TEX35: variants seen among roughly 807,000 people sequenced by gnomAD.
TEX35 encodes testis expressed 35.
A neutral mutation model predicts 31.9 loss-of-function variants in TEX35; 26 were observed. The ratio of observed to expected loss-of-function variants is 0.81; its 90% CI spans 0.60 to 1.13. TEX35 has a LOEUF of 1.13. TEX35 is among the 50% of genes most tolerant of loss of function. The pLI is 0.00. For missense variants in TEX35, 278 were observed against 273.5 expected (o/e 1.02, Z -0.12); for synonymous variants, 87 against 90.7 (o/e 0.96, Z 0.23).
rs1034058437 is a variant in TEX35, at chr1:178,516,478, G to A, written c.217-137G>A. On this transcript the variant is annotated intron_variant, in intron 4 of 8. Coordinates refer to ENST00000319416, the MANE Select transcript of TEX35 (RefSeq NM_032126.5). The stretch of plus-strand genomic sequence containing the variant: ...CCTTCACAGACTCCTTGAGAAGAAA[G>A]TGGCTCTAACAGGCCATTATTAGTC... 9.0e-6 allele frequency: 6 copies of A among 667,868 alleles called. No homozygotes were observed. In the African/African-American group the frequency reaches 1.1e-4, roughly 12 times the overall value. The allele number at this position is 667,868 out of a possible 1,614,324, so 41.4% of individuals were successfully genotyped here. A position where few individuals can be genotyped will look rare whatever the true frequency, so the allele number is the denominator to read the frequency against.
intron 1 of TEX35, among the ~76,000 whole-genome samples, chr1:178,513,718 A>G (rs1383786883): frequency 6.6e-6 from 1 of 152,270 alleles, no homozygotes; most frequent in Non-Finnish European, 1.5e-5. Flanking sequence ...CTCTGGAAAC[A>G]ACACTTCCGG....
intron 7 of TEX35, 81 bp from the exon 8 acceptor site, chr1:178,521,141 G>A: frequency 1.2e-6 from 2 of 1,608,404 alleles, no homozygotes; most frequent in South Asian, 2.2e-5. Context: ...CCTTTAGCAA[G>A]GGCAGATAAG....
chr1:178,513,997 A>C, intron 1 of TEX35, 30 bp from the exon 2 acceptor site: 1 of 1,612,016 alleles, frequency 6.2e-7, no homozygotes, highest in South Asian at 1.1e-5. Flanking sequence ...GATGTCTGCC[A>C]GCCTGAATCT....
chr1:178,521,252 A>G lies in TEX35; in HGVS notation c.574A>G (p.Asn192Asp), dbSNP rs35619308. 3,966 of 1,614,228 alleles carry G rather than the reference A, an allele frequency of 2.5e-3. 21 individuals carry two copies. The highest frequency in any genetic ancestry group is 5.1e-3 in the Middle Eastern group (31 of 6,060). ...ATGTTTGTTGTGTGCTCTAAAGAAC[A>G]ACTACAATCGGGGTAGGTAGATTCA... ...EKCLLCALKN[N>D]YNRGNIPSEA... is the part of the protein sequence containing the mutation. Residue 192 changes from asparagine to aspartate, a missense_variant, in exon 8 of 9, where the codon AAC becomes GAC. Asn to Asp is a conservative substitution (Grantham distance 23). Coordinates refer to ENST00000319416, the MANE Select transcript of TEX35 (RefSeq NM_032126.5).
At chr1:178,522,243 A>T in intron 8 of TEX35, 82 bp from the exon 9 acceptor site, 1 of 1,485,444 alleles carries the variant, frequency 6.7e-7, no homozygotes, top group Non-Finnish European at 9.0e-7. Context: ...TGCTCATAGG[A>T]ACTGGGTAGC....
At chr1:178,516,713 T>C in intron 5 of TEX35, 39 bp downstream of exon 5, 1 of 1,463,638 alleles carries the variant, frequency 6.8e-7, no homozygotes, top group Non-Finnish European at 9.4e-7. Flanking sequence ...GCCAGTACCA[T>C]ACTGGAAACT....
At position 178,520,434 on chromosome 1, in the gene TEX35, G is replaced by A. The variant is rs1419974585; in HGVS notation, c.339G>A (p.Lys113=). The A allele has an allele frequency of 6.2e-7, 1 of 1,614,090 alleles. No homozygotes were observed. The highest frequency in any genetic ancestry group is 1.1e-5 in the South Asian group (1 of 91,050). Residue 113 remains lysine (K), a splice_region_variant and synonymous_variant, in exon 6 of 9, where the codon AAG becomes AAA. Transcript: ENST00000319416. ...DILINTQKNY[K]LPLRRAPKEQ... is the part of the protein sequence containing the mutation. Reference sequence around the variant, plus strand: ...TAATAAATACACAGAAGAACTATAAGCTGTAAGTGTAACCTGCACTCGTCT... The same window carrying A: ...TAATAAATACACAGAAGAACTATAAACTGTAAGTGTAACCTGCACTCGTCT...
Position 178,520,668 on chromosome 1 carries a change from CCCAGTCCCCTTAGAAGAGCA to C in TEX35, c.342-1_360del, listed in dbSNP as rs1438864145. On this transcript the variant is annotated splice_acceptor_variant and splice_polypyrimidine_tract_variant and coding_sequence_variant and intron_variant, in exon 7 of 9. Coordinates refer to ENST00000319416, the MANE Select transcript of TEX35 (RefSeq NM_032126.5). LOFTEE classifies it high-confidence loss of function. ...CTCTGCCCCTCCCTGGCCCTCCTCCCCCAGTCCCCTTAGAAGAGCACCAAAGGAGCAGCAGGAACTCAGGC... is the reference window on the plus strand; with the variant it reads ...CTCTGCCCCTCCCTGGCCCTCCTCCCCCAAAGGAGCAGCAGGAACTCAGGC... The C allele has an allele frequency of 1.2e-6, 2 of 1,613,606 alleles. No homozygotes were observed. Among genetic ancestry groups the C allele is most frequent in the Non-Finnish European group, 8.5e-7 (1 of 1,179,770 alleles).
At chr1:178,521,995 G>A in intron 8 of TEX35, 1 of 786,770 alleles carries the variant, frequency 1.3e-6, no homozygotes, top group South Asian at 1.9e-5. Flanking sequence ...ATTCCACCTG[G>A]GTCTGCAAAC....
intron 5 of TEX35, among the ~76,000 whole-genome samples, chr1:178,518,714 C>T (rs1353113331): frequency 6.6e-6 from 1 of 152,120 alleles, no homozygotes; most frequent in East Asian, 1.9e-4. Context: ...TTTTATATCC[C>T]TCTGTACTGT....
chr1:178,517,418 T>C (rs1650117659), intron 5 of TEX35, among the ~76,000 whole-genome samples: 1 of 152,208 alleles, frequency 6.6e-6, no homozygotes, highest in Non-Finnish European at 1.5e-5. Flanking sequence ...CCGGAGTTGC[T>C]TAAAACTCCG....
At position 178,521,708 on chromosome 1, in the gene TEX35, A is replaced by G. The variant is rs1352863489; in HGVS notation, c.586+444A>G. The G allele has an allele frequency of 3.9e-6, 6 of 1,551,716 alleles. No homozygotes were observed. In the South Asian group the frequency reaches 5.9e-5, roughly 15 times the overall value. ...AACCTACCAGCAGTTCCGATTCATC[A>G]CCTCCAAGCTCCTTAAGATGCACAG... On this transcript the variant is annotated intron_variant, in intron 8 of 8. Coordinates refer to ENST00000319416, the MANE Select transcript of TEX35 (RefSeq NM_032126.5).
intron 2 of TEX35, chr1:178,514,288 C>T: frequency 6.9e-7 from 1 of 1,454,100 alleles, no homozygotes; most frequent in African/African-American, 1.4e-5. Flanking sequence ...GTTACCTGCT[C>T]TGCTGGGAAT....
At chr1:178,514,189 CT>C (rs1649983926) in intron 2 of TEX35, 112 bp downstream of exon 2, 2 of 1,593,210 alleles carry the variant, frequency 1.3e-6, no homozygotes, top group Non-Finnish European at 1.7e-6. Flanking sequence ...GTCCCAGGTG[CT>C]GGGGGATGCA....
intron 2 of TEX35, among the ~76,000 whole-genome samples, chr1:178,514,474 A>C (rs1649998987): frequency 6.6e-6 from 1 of 152,220 alleles, no homozygotes; most frequent in Non-Finnish European, 1.5e-5. Flanking sequence ...CTGGCTGTTC[A>C]AGGGACAAAA....
chr1:178,517,329 G>T (rs539442231), intron 5 of TEX35, among the ~76,000 whole-genome samples: 2 of 152,190 alleles, frequency 1.3e-5, no homozygotes, highest in Non-Finnish European at 2.9e-5. Flanking sequence ...GATGTAATGA[G>T]AATCAGTTGT....
At chr1:178,521,378 T>A in intron 8 of TEX35, 114 bp downstream of exon 8, 1 of 1,263,510 alleles carries the variant, frequency 7.9e-7, no homozygotes, top group Non-Finnish European at 1.2e-6. Flanking sequence ...GTGCCAGGAG[T>A]AGGGACTGTT....
chr1:178,513,401 C>A, intron 1 of TEX35, 174 bp downstream of exon 1: 2 of 896,226 alleles, frequency 2.2e-6, no homozygotes, highest in Non-Finnish European at 3.5e-6. Flanking sequence ...TAATCCCTAG[C>A]CTTGGGGGTG....
At chr1:178,515,408 T>A (rs1239361567) in intron 3 of TEX35, among the ~76,000 whole-genome samples, 1 of 150,698 alleles carries the variant, frequency 6.6e-6, no homozygotes. Context: ...CTGGGGACAT[T>A]GACATTTTTA....
Sources: allele counts gnomAD v4.1 joint callset (sites outside exome capture counted in the v4.1 genomes callset), GRCh38; gene constraint gnomAD v4.1.1; transcripts MANE v1.5; gene names NCBI Gene and HGNC (gene_info 2026-07-23, HGNC 2026-07-21).